The following CDH13 variants were observed in gnomAD, a reference collection of about 807,000 sequenced individuals.
CDH13 encodes the protein cadherin 13, also known as cadherin-13.
A neutral mutation model predicts 63.8 loss-of-function variants in CDH13; 24 were observed. The ratio of observed to expected loss-of-function variants is 0.38; its 90% CI spans 0.27 to 0.53. The LOEUF (loss-of-function observed/expected upper bound fraction) is 0.53. Among genes scored for constraint, CDH13 ranks in the 20% least tolerant of loss-of-function variants. The probability of loss-of-function intolerance (pLI) is 0.85; values close to 1 mark genes in which losing one functional copy is unlikely to be tolerated. For missense variants in CDH13, 1,049 were observed against 903.1 expected, an observed-to-expected ratio of 1.16 and a Z score of -2.07; for synonymous variants, 503 against 355.3, an observed-to-expected ratio of 1.42 and a Z score of -4.67.
At chr16:82,932,128 C>G (rs757779091) in intron 2 of CDH13, among the ~76,000 whole-genome samples, 7 of 152,136 alleles carry the variant, frequency 4.6e-5, no homozygotes, top group Non-Finnish European at 8.8e-5. Context: ...TCACAGAAGT[C>G]ATTCTACATT....
In CDH13 at chr16:83,073,321, C is replaced by CTGTGTG. The variant is rs567463667; in HGVS notation, c.366+41132_366+41137dup. 2.2e-3 allele frequency among the ~76,000 whole-genome samples: 304 copies of CTGTGTG among 139,788 alleles called. 2 individuals carry two copies. The highest frequency in any genetic ancestry group is 6.2e-3 in the Admixed American group (86 of 13,886). The allele number at this position is 139,788 out of a possible 152,430, so 91.7% of individuals were successfully genotyped here. ...TGGGCTCTCTCTTTGGGGTGTGTGT[C>CTGTGTG]TGTGTGTGTGTGTGTGTGTGTGTGT... On this transcript the variant is annotated intron_variant, in intron 3 of 13. Transcript: ENST00000567109.
intron 6 of CDH13, among the ~76,000 whole-genome samples, chr16:83,358,252 T>C (rs1163794831): frequency 6.6e-6 from 1 of 152,148 alleles, no homozygotes; most frequent in East Asian, 1.9e-4. Flanking sequence ...CTAGGATGGA[T>C]TCTGAAAGGA....
chr16:83,252,429 C>G (rs974830455), intron 5 of CDH13, among the ~76,000 whole-genome samples: 1 of 151,880 alleles, frequency 6.6e-6, no homozygotes, highest in East Asian at 1.9e-4. Context: ...ATTTTATTAA[C>G]CAAAGATGGT....
chr16:83,184,504 C>T (rs993840120), intron 4 of CDH13, among the ~76,000 whole-genome samples: 3 of 152,080 alleles, frequency 2.0e-5, no homozygotes, highest in African/African-American at 7.2e-5. Context: ...CCTGTAATCC[C>T]AGCACTTTGG....
At chr16:83,453,796 C>G (rs1412636851) in intron 6 of CDH13, among the ~76,000 whole-genome samples, 1 of 152,104 alleles carries the variant, frequency 6.6e-6, no homozygotes, top group Non-Finnish European at 1.5e-5. Context: ...CTCTGCAGAT[C>G]ACTTATTGGT....
intron 3 of CDH13, among the ~76,000 whole-genome samples, chr16:83,124,514 T>A (rs1291388902): frequency 1.3e-5 from 2 of 151,678 alleles, no homozygotes; most frequent in African/African-American, 4.9e-5. Context: ...TTTAATTAAA[T>A]TTGAATTGTC....
chr16:83,480,867 C>T (rs2073744306), intron 6 of CDH13, among the ~76,000 whole-genome samples: 1 of 152,198 alleles, frequency 6.6e-6, no homozygotes, highest in Non-Finnish European at 1.5e-5. Context: ...AAAATAGCAG[C>T]TTCTACATCT....
chr16:83,048,833 C>A (rs941146171), intron 3 of CDH13, among the ~76,000 whole-genome samples: 13 of 152,146 alleles, frequency 8.5e-5, no homozygotes, highest in African/African-American at 2.9e-4. Context: ...GTCAAATCTT[C>A]CCAGGCGAAA....
At chr16:83,087,485 T>G in intron 3 of CDH13, among the ~76,000 whole-genome samples, 1 of 151,962 alleles carries the variant, frequency 6.6e-6, no homozygotes, top group East Asian at 1.9e-4. Flanking sequence ...CTACCCAACA[T>G]GTCGAAACCC....
At chr16:83,343,999 G>T (rs2090782709) in intron 5 of CDH13, among the ~76,000 whole-genome samples, 1 of 152,180 alleles carries the variant, frequency 6.6e-6, no homozygotes, top group African/African-American at 2.4e-5. Flanking sequence ...CCAGTGTCTT[G>T]CTCAAGGTCA....
intron 10 of CDH13, among the ~76,000 whole-genome samples, chr16:83,684,700 G>T (rs1447978264): frequency 1.3e-5 from 2 of 152,192 alleles, no homozygotes; most frequent in African/African-American, 2.4e-5. Context: ...ATGTGTTGAA[G>T]AAAAATATTG....
intron 9 of CDH13, among the ~76,000 whole-genome samples, chr16:83,677,457 T>C (rs11644204): frequency 0.58 from 88,816 of 151,916 alleles, 26,780 homozygotes; most frequent in African/African-American, 0.72. Flanking sequence ...CGGCAAATGG[T>C]TGTAGAGCCC....
At chr16:82,847,832 C>T (rs1249417995) in intron 1 of CDH13, among the ~76,000 whole-genome samples, 3 of 151,528 alleles carry the variant, frequency 2.0e-5, no homozygotes, top group African/African-American at 7.3e-5. Context: ...AGAATTTGGA[C>T]TTAGGTTAGT....
At chr16:83,287,037 GC>G (rs2089335331) in intron 5 of CDH13, among the ~76,000 whole-genome samples, 1 of 151,930 alleles carries the variant, frequency 6.6e-6, no homozygotes, top group Non-Finnish European at 1.5e-5. Flanking sequence ...CTTTTTTAGG[GC>G]CACCTTCATG....
chr16:83,464,060 G>T (rs1158048892), intron 6 of CDH13, among the ~76,000 whole-genome samples: 2 of 152,102 alleles, frequency 1.3e-5, no homozygotes, highest in African/African-American at 4.8e-5. Flanking sequence ...TATGTTCTAG[G>T]GGGATTTTAT....
chr16:82,947,453 C>T (rs892501670), intron 2 of CDH13, among the ~76,000 whole-genome samples: 1 of 152,048 alleles, frequency 6.6e-6, no homozygotes, highest in Non-Finnish European at 1.5e-5. Context: ...AGATATTATC[C>T]ATACTTCTGT....
chr16:83,712,965 G>A (rs1239028223), intron 10 of CDH13, among the ~76,000 whole-genome samples: 1 of 152,224 alleles, frequency 6.6e-6, no homozygotes, highest in Non-Finnish European at 1.5e-5. Flanking sequence ...TCTGAGCCAC[G>A]TTAAAGAAAT....
rs56882275 is a variant in CDH13 at position 82,847,651 on chromosome 16, A to G, written c.46-10711A>G. Among the ~76,000 whole-genome samples, 398 of 152,344 alleles carry G rather than the reference A, an allele frequency of 2.6e-3. 1 individual carries two copies. Among genetic ancestry groups the G allele is most frequent in the Middle Eastern group, 0.01 (3 of 294 alleles). On this transcript the variant is annotated intron_variant, in intron 1 of 13. Transcript: ENST00000567109. The stretch of plus-strand genomic sequence containing the variant: ...ATTACCCTTTGCCATGTAATCTAAC[A>G]TATTCACAGGTCCTGGGGAGTAGGG...
At chr16:83,173,556 T>A (rs2038008481) in intron 4 of CDH13, among the ~76,000 whole-genome samples, 1 of 152,096 alleles carries the variant, frequency 6.6e-6, no homozygotes, top group African/African-American at 2.4e-5. Context: ...ATGACTAGTG[T>A]TTTAGAATAA....
Sources: gnomAD v4.1 joint callset for allele counts (sites outside exome capture counted in the v4.1 genomes callset) on GRCh38, gnomAD v4.1.1 for gene constraint, MANE v1.5 for transcripts, NCBI Gene and HGNC (gene_info 2026-07-23, HGNC 2026-07-21) for gene names.